Variants in ABCC1 observed in about 807,000 individuals in gnomAD.
ABCC1 encodes ATP binding cassette subfamily C member 1 (ABCC1 blood group).
Under a neutral mutation model 172.9 loss-of-function variants are expected in ABCC1, and 83 were observed. The ratio of observed to expected loss-of-function variants is 0.48; its 90% CI spans 0.40 to 0.58. The LOEUF is 0.58. Among genes scored for constraint, ABCC1 ranks in the 20% least tolerant of loss-of-function variants. The pLI is 0.00. For synonymous variants in ABCC1, 937 were observed against 825.2 expected (o/e 1.14, Z -2.32); for missense variants, 1,817 against 2,002.7 (o/e 0.91, Z 1.77).
In ABCC1 at chr16:15,995,118, C is replaced by G. The variant is rs950916653; in HGVS notation, c.49-12698C>G. Among the ~76,000 whole-genome samples the G allele has an allele frequency of 2.0e-5, 3 of 151,690 alleles. No homozygotes were observed. In the East Asian group the frequency reaches 6.0e-4, roughly 30 times the overall value. ...TGCACTCCAGCCTGGGCAACAAGAG[C>G]GAAACTCCGTCTCAAAAAACAAACG... On this transcript the variant is annotated intron_variant, in intron 1 of 30. Transcript: ENST00000399410.
chr16:16,110,131 T>C (rs1290920624), intron 21 of ABCC1, among the ~76,000 whole-genome samples: 5 of 151,184 alleles, frequency 3.3e-5, no homozygotes, highest in African/African-American at 1.2e-4. Context: ...CTGGAGGCAA[T>C]GTCTCCCTCT....
chr16:16,138,837 AT>A (rs1265172462), intron 30 of ABCC1, among the ~76,000 whole-genome samples: 2 of 151,502 alleles, frequency 1.3e-5, no homozygotes, highest in African/African-American at 4.9e-5. Context: ...AGACTCCCGA[AT>A]AGCTGGAACT....
intron 26 of ABCC1, among the ~76,000 whole-genome samples, chr16:16,130,362 T>C (rs1410463135): frequency 6.6e-6 from 1 of 152,218 alleles, no homozygotes; most frequent in Non-Finnish European, 1.5e-5. Context: ...AAAGTAAGTT[T>C]TATTGGCATC....
chr16:16,122,067 G>T lies in ABCC1; in HGVS notation c.3483G>T (p.Gly1161=). The T allele has an allele frequency of 1.2e-6, 2 of 1,614,192 alleles. No homozygotes were observed. Among genetic ancestry groups the T allele is most frequent in the Non-Finnish European group, 1.7e-6 (2 of 1,180,040 alleles). ...VYSHFNETLL[G]VSVIRAFEEQ... ...CCCATTTCAACGAGACCTTGCTGGGGGTCAGCGTCATTCGAGCCTTCGAGG... is the reference window on the plus strand; with the variant it reads ...CCCATTTCAACGAGACCTTGCTGGGTGTCAGCGTCATTCGAGCCTTCGAGG... Residue 1161 remains glycine, a synonymous_variant, in exon 24 of 31, where the codon GGG becomes GGT. Coordinates refer to ENST00000399410, the MANE Select transcript of ABCC1 (RefSeq NM_004996.4).
rs550559421 is a variant in ABCC1 at position 16,075,423 on chromosome 16, G to A, written c.1913-903G>A. Reference sequence around the variant, plus strand: ...GCAGATCACTTGAGGCCAAGAGTTCGAGACCAGGCTGAGCAACATGTCAAG... The same window carrying A: ...GCAGATCACTTGAGGCCAAGAGTTCAAGACCAGGCTGAGCAACATGTCAAG... On this transcript the variant is annotated intron_variant, in intron 14 of 30. Transcript: ENST00000399410. 5.3e-4 allele frequency among the ~76,000 whole-genome samples: 81 copies of A among 151,636 alleles called. No individual in the cohort carries two copies. In the South Asian group the frequency reaches 0.016, roughly 30 times the overall value.
chr16:16,057,919 G>A (rs887076953), intron 12 of ABCC1, among the ~76,000 whole-genome samples: 1 of 152,124 alleles, frequency 6.6e-6, no homozygotes, highest in African/African-American at 2.4e-5. Flanking sequence ...GGGACTCCAG[G>A]TGCACTGCTA....
At chr16:16,135,915 C>G (rs1379738290) in intron 28 of ABCC1, among the ~76,000 whole-genome samples, 1 of 152,118 alleles carries the variant, frequency 6.6e-6, no homozygotes, top group East Asian at 1.9e-4. Flanking sequence ...TGCTGCGTCT[C>G]ATTTCTGGAG....
intron 2 of ABCC1, among the ~76,000 whole-genome samples, chr16:16,008,940 T>G (rs1031704597): frequency 5.0e-4 from 62 of 124,120 alleles, no homozygotes; most frequent in African/African-American, 1.6e-3. Flanking sequence ...TGTTTTTTTT[T>G]TTTTTGTTGT....
At chr16:16,061,053 A>G (rs1017967611) in intron 12 of ABCC1, among the ~76,000 whole-genome samples, 2 of 151,944 alleles carry the variant, frequency 1.3e-5, no homozygotes, top group African/African-American at 4.8e-5. Context: ...GCGTCCGAGT[A>G]GCTGGGAGTA....
chr16:15,979,602 G>A (rs2046574884), intron 1 of ABCC1, among the ~76,000 whole-genome samples: 1 of 152,000 alleles, frequency 6.6e-6, no homozygotes, highest in Non-Finnish European at 1.5e-5. Flanking sequence ...TCAGAATTGT[G>A]CATGTCTCCT....
chr16:16,037,641 G>A (rs187425144), intron 7 of ABCC1, among the ~76,000 whole-genome samples: 51 of 152,304 alleles, frequency 3.3e-4, no homozygotes, highest in Non-Finnish European at 6.9e-4. Context: ...TCTGGGGTAA[G>A]TTTACTACGA....
intron 7 of ABCC1, among the ~76,000 whole-genome samples, chr16:16,039,215 G>GTA (rs2048872078): frequency 1.5e-5 from 2 of 136,632 alleles, no homozygotes; most frequent in South Asian, 4.5e-4. Context: ...GCTTTTGTGT[G>GTA]TGTGTGTGTG....
chr16:16,080,364 T>C (rs1343032243), intron 16 of ABCC1, among the ~76,000 whole-genome samples: 2 of 152,216 alleles, frequency 1.3e-5, no homozygotes, highest in African/African-American at 2.4e-5. Flanking sequence ...GAATTCTTAA[T>C]ATGGAGCTAA....
intron 29 of ABCC1, among the ~76,000 whole-genome samples, chr16:16,137,606 G>A (rs184475504): frequency 2.2e-5 from 3 of 134,972 alleles, no homozygotes; most frequent in Non-Finnish European, 4.6e-5. Flanking sequence ...CACCCAGGCT[G>A]GAGTGCAGTG....
In ABCC1 at chr16:15,984,448, C is replaced by CTTTTT. The variant is rs1555475245; in HGVS notation, c.49-23359_49-23355dup. On this transcript the variant is annotated intron_variant, in intron 1 of 30. Coordinates refer to ENST00000399410, the MANE Select transcript of ABCC1 (RefSeq NM_004996.4). Reference sequence around the variant, plus strand: ...TTTTTATTGTTTACCTTGATATATACTTTTTTTTTTTTTGAGATAGAGTCT... The same window carrying CTTTTT: ...TTTTTATTGTTTACCTTGATATATACTTTTTTTTTTTTTTTTTTGAGATAGAGTCT... Among the ~76,000 whole-genome samples the CTTTTT allele has an allele frequency of 2.9e-3, 425 of 146,984 alleles. 2 individuals carry two copies. The highest frequency in any genetic ancestry group is 4.7e-3 in the South Asian group (22 of 4,724).
chr16:16,138,310 G>T, intron 29 of ABCC1, 54 bp from the exon 30 acceptor site: 1 of 1,521,968 alleles, frequency 6.6e-7, no homozygotes, highest in Non-Finnish European at 8.9e-7. Flanking sequence ...CTAGGTTCAG[G>T]GTCAGGGGTG....
intron 1 of ABCC1, among the ~76,000 whole-genome samples, chr16:15,961,016 T>C (rs953602156): frequency 4.9e-5 from 3 of 61,108 alleles, no homozygotes; most frequent in African/African-American, 7.4e-5. Context: ...TTTTTTTTTT[T>C]TTTTTTTTAA....
chr16:15,991,140 A>AGG (rs764853251), intron 1 of ABCC1, among the ~76,000 whole-genome samples: 14 of 152,024 alleles, frequency 9.2e-5, no homozygotes, highest in Non-Finnish European at 1.8e-4. Flanking sequence ...GGCTGAGATT[A>AGG]GGAGATCACT....
At position 16,068,297 on chromosome 16, in the gene ABCC1, G is replaced by A. The variant is rs1299789871; in HGVS notation, c.1819G>A (p.Val607Met). 9 of 1,613,918 alleles carry A rather than the reference G, an allele frequency of 5.6e-6. No homozygotes were observed. The highest frequency in any genetic ancestry group is 4.0e-5 in the African/African-American group (3 of 74,870). The change falls in exon 13 of 31, where the codon GTG becomes ATG. Residue 607 changes from valine (V) to methionine (M), a missense_variant. Coordinates refer to ENST00000399410, the MANE Select transcript of ABCC1 (RefSeq NM_004996.4). ...TCTCCCCATGGTCATCAGCAGCATCGTGCAGGTACAGGGGGAAGCTGGGGC... is the reference window on the plus strand; with the variant it reads ...TCTCCCCATGGTCATCAGCAGCATCATGCAGGTACAGGGGGAAGCTGGGGC... ...NILPMVISSI[V>M]QASVSLKRLR...
Sources: allele counts gnomAD v4.1 joint callset (sites outside exome capture counted in the v4.1 genomes callset), GRCh38; gene constraint gnomAD v4.1.1; transcripts MANE v1.5; gene names NCBI Gene and HGNC (gene_info 2026-07-23, HGNC 2026-07-21).